Variants in AK5 observed in about 807,000 individuals in gnomAD.
AK5 encodes adenylate kinase isoenzyme 5.
A neutral mutation model predicts 69.5 loss-of-function variants in AK5; 27 were observed. The ratio of observed to expected loss-of-function variants is 0.39; its 90% CI spans 0.29 to 0.54. AK5 has a LOEUF of 0.54. Among genes scored for constraint, AK5 ranks in the 20% least tolerant of loss-of-function variants. The pLI, the probability that AK5 is intolerant of heterozygous loss-of-function variation, is 0.71. For missense variants in AK5, 531 were observed against 700.4 expected, an observed-to-expected ratio of 0.76 and a Z score of 2.73; for synonymous variants, 260 against 244.4, an observed-to-expected ratio of 1.06 and a Z score of -0.60.
intron 13 of AK5, among the ~76,000 whole-genome samples, chr1:77,554,069 T>C (rs1455008636): frequency 6.6e-6 from 1 of 152,230 alleles, no homozygotes; most frequent in Non-Finnish European, 1.5e-5. Context: ...ATATATTGTG[T>C]GATTTCATTG....
chr1:77,480,116 CCGAGTGTG>C (rs1428990881), intron 8 of AK5, among the ~76,000 whole-genome samples: 2 of 104,786 alleles, frequency 1.9e-5, no homozygotes, highest in African/African-American at 3.7e-5. Flanking sequence ...CCCATTCACC[CCGAGTGTG>C]TGTGTGTGTG....
intron 6 of AK5, among the ~76,000 whole-genome samples, chr1:77,367,554 T>TA (rs59508312): frequency 0.044 from 1,253 of 28,376 alleles, 179 homozygotes; most frequent in East Asian, 0.38. Flanking sequence ...ATTTATGTTA[T>TA]TTTTATATAT....
intron 8 of AK5, among the ~76,000 whole-genome samples, chr1:77,478,149 C>G (rs1570222829): frequency 6.6e-6 from 1 of 152,192 alleles, no homozygotes; most frequent in Admixed American, 6.5e-5. Flanking sequence ...AGAATCTCAA[C>G]TACAAGTTCC....
At chr1:77,325,406 G>A (rs1327955983) in intron 5 of AK5, among the ~76,000 whole-genome samples, 1 of 151,962 alleles carries the variant, frequency 6.6e-6, no homozygotes, top group East Asian at 1.9e-4. Flanking sequence ...TATCATCAGG[G>A]TTTCTCACAG....
At chr1:77,447,840 G>A (rs939253253) in intron 8 of AK5, among the ~76,000 whole-genome samples, 7 of 152,296 alleles carry the variant, frequency 4.6e-5, no homozygotes, top group South Asian at 2.1e-4. Flanking sequence ...GGATTGGGTA[G>A]TATGCAAAAA....
In AK5 at chr1:77,558,899, T is replaced by TGTC. The variant is rs1286159896; in HGVS notation, c.*230_*232dup. ...ACCTATTCTCCACACTTCAGACAAC[T>TGTC]GTCTGCACTCACGGCACACACACTT... On this transcript the variant is annotated 3_prime_UTR_variant, in exon 14 of 14. Transcript: ENST00000354567. 4 of 493,708 alleles carry TGTC rather than the reference T, an allele frequency of 8.1e-6. No individual in the cohort carries two copies. The highest frequency in any genetic ancestry group is 7.0e-5 in the East Asian group (2 of 28,600). The allele number at this position is 493,708 out of a possible 1,614,324, so 30.6% of individuals were successfully genotyped here. A position where few individuals can be genotyped will look rare whatever the true frequency, so the allele number is the denominator to read the frequency against.
At chr1:77,457,785 G>C (rs1409033654) in intron 8 of AK5, among the ~76,000 whole-genome samples, 3 of 152,136 alleles carry the variant, frequency 2.0e-5, no homozygotes, top group Admixed American at 2.0e-4. Flanking sequence ...GTGCCTGGGG[G>C]CCACTGGAGT....
At position 77,297,380 on chromosome 1, in the gene AK5, CT is replaced by C. The variant is rs546356132; in HGVS notation, c.416-177del. Among the ~76,000 whole-genome samples, 626 of 152,200 alleles carry C rather than the reference CT, an allele frequency of 4.1e-3. 4 individuals carry two copies. Among genetic ancestry groups the C allele is most frequent in the African/African-American group, 0.014 (601 of 41,534 alleles). ...TACAGTTGGTCAAGACAATTCTTTC[CT>C]TGACAAAGTCTCTACTTGCTTTACA... On this transcript the variant is annotated intron_variant, in intron 3 of 13. Coordinates refer to ENST00000354567, the MANE Select transcript of AK5 (RefSeq NM_174858.3).
chr1:77,409,042 G>C (rs12069838), intron 6 of AK5, among the ~76,000 whole-genome samples: 34,158 of 152,076 alleles, frequency 0.22, 4,056 homozygotes, highest in East Asian at 0.38. Flanking sequence ...CATTAGTTTT[G>C]TAAGGACAAT....
Position 77,282,043 on chromosome 1 carries a change from G to A in AK5, c.-271G>A, listed in dbSNP as rs1291275708. The A allele has an allele frequency of 9.2e-6, 3 of 327,352 alleles. No homozygotes were observed. Among genetic ancestry groups the A allele is most frequent in the Non-Finnish European group, 1.7e-5 (3 of 180,416 alleles). 20.3% of individuals were successfully genotyped at this position (327,352 alleles called of 1,614,324 possible). On this transcript the variant is annotated 5_prime_UTR_variant, in exon 1 of 14. Coordinates refer to ENST00000354567, the MANE Select transcript of AK5 (RefSeq NM_174858.3). ...TGGCGGCCGCGCTGCCTGGCAGCCC[G>A]GGAAGCCGCGGCACAGCTGCTCGGC...
chr1:77,551,966 G>C (rs1280888885), intron 13 of AK5, among the ~76,000 whole-genome samples: 1 of 152,148 alleles, frequency 6.6e-6, no homozygotes, highest in Non-Finnish European at 1.5e-5. Flanking sequence ...AAGGTTCTCT[G>C]CTGACCAAAC....
chr1:77,396,476 C>G (rs1557558643), intron 6 of AK5, among the ~76,000 whole-genome samples: 1 of 152,200 alleles, frequency 6.6e-6, no homozygotes, highest in Non-Finnish European at 1.5e-5. Context: ...CCTGTCATAG[C>G]CATCTTGCTA....
intron 6 of AK5, among the ~76,000 whole-genome samples, chr1:77,357,020 T>A (rs956077581): frequency 6.6e-6 from 1 of 152,188 alleles, no homozygotes; most frequent in African/African-American, 2.4e-5. Flanking sequence ...TTCTTCCGAT[T>A]TGGCTTCCAC....
intron 11 of AK5, 26 bp from the exon 12 acceptor site, chr1:77,521,801 T>A: frequency 6.4e-7 from 1 of 1,571,176 alleles, no homozygotes; most frequent in Non-Finnish European, 8.8e-7. Flanking sequence ...AGAGCTCAGG[T>A]CCTGACCACT....
rs1328629453 is a variant in AK5, at chr1:77,340,508, C to A, written c.831C>A (p.Asn277Lys). 1 of 1,614,116 alleles carries A rather than the reference C, an allele frequency of 6.2e-7. No homozygotes were observed. Among genetic ancestry groups the A allele is most frequent in the East Asian group, 2.2e-5 (1 of 44,860 alleles). Residue 277 changes from asparagine (N) to lysine (K), a missense_variant, in exon 6 of 14, where the codon AAC becomes AAA. Transcript: ENST00000354567. The stretch of plus-strand genomic sequence containing the variant: ...AAGCTACCCAAAGGAGACTAATGAA[C>A]TTCAAGCAGAATGCTGCTCCATTGG... ...NVKATQRRLMNFKQNAAPLVK... is the reference protein window; with the variant it reads ...NVKATQRRLMKFKQNAAPLVK...
At chr1:77,420,814 G>T (rs10493606) in intron 8 of AK5, among the ~76,000 whole-genome samples, 1 of 151,872 alleles carries the variant, frequency 6.6e-6, no homozygotes, top group African/African-American at 2.4e-5. Flanking sequence ...ATTTGACACC[G>T]TAAACTAGGG....
chr1:77,519,891 A>T (rs1438922660), intron 11 of AK5, among the ~76,000 whole-genome samples: 1 of 152,078 alleles, frequency 6.6e-6, no homozygotes, highest in African/African-American at 2.4e-5. Context: ...CTGACCTCCT[A>T]TCTCATCCTG....
intron 8 of AK5, among the ~76,000 whole-genome samples, chr1:77,443,933 C>T (rs1194150555): frequency 1.3e-5 from 2 of 150,974 alleles, no homozygotes; most frequent in African/African-American, 4.9e-5. Flanking sequence ...TTTGTCCTAC[C>T]CACCCACCCA....
At chr1:77,543,101 AC>A (rs1371056842) in intron 13 of AK5, among the ~76,000 whole-genome samples, 1 of 152,234 alleles carries the variant, frequency 6.6e-6, no homozygotes, top group African/African-American at 2.4e-5. Flanking sequence ...GCAATGGTCC[AC>A]ATTGTTCTGG....
Sources: gnomAD v4.1 joint callset for allele counts (sites outside exome capture counted in the v4.1 genomes callset) on GRCh38, gnomAD v4.1.1 for gene constraint, MANE v1.5 for transcripts, NCBI Gene and HGNC (gene_info 2026-07-23, HGNC 2026-07-21) for gene names.